Variants in RBFOX1 observed in about 807,000 individuals in gnomAD.
The protein encoded by RBFOX1 is RNA binding fox-1 homolog 1.
Under a neutral mutation model 57.7 loss-of-function variants are expected in RBFOX1, and 8 were observed. The ratio of observed to expected loss-of-function variants is 0.14; its 90% CI spans 0.08 to 0.25. The LOEUF (loss-of-function observed/expected upper bound fraction) is 0.25, where lower values mean the gene tolerates loss of function less well. RBFOX1 is among the 10% of genes least tolerant of loss of function. The pLI is 1.00. For missense variants in RBFOX1, 611 were observed against 548.5 expected (o/e 1.11, Z -1.14); for synonymous variants, 326 against 222.4 (o/e 1.47, Z -4.15).
At chr16:7,613,746 C>G (rs1440615714) in intron 10 of RBFOX1, among the ~76,000 whole-genome samples, 1 of 152,116 alleles carries the variant, frequency 6.6e-6, no homozygotes, top group Non-Finnish European at 1.5e-5. Flanking sequence ...CACCAAGAGT[C>G]TATTACCGTT....
At chr16:5,907,372 C>A (rs1383010188) in intron 4 of RBFOX1, among the ~76,000 whole-genome samples, 1 of 152,132 alleles carries the variant, frequency 6.6e-6, no homozygotes, top group African/African-American at 2.4e-5. Flanking sequence ...TAGACAAACA[C>A]TTCTCCATCC....
chr16:5,454,854 T>TTTCTTTCTTTCTTTC (rs1555524090), intron 1 of RBFOX1, among the ~76,000 whole-genome samples: 10 of 67,524 alleles, frequency 1.5e-4, no homozygotes, highest in South Asian at 6.2e-4. Flanking sequence ...TCTTTCTTTC[T>TTTCTTTCTTTCTTTC]TTTCTTTCTT....
intron 3 of RBFOX1, among the ~76,000 whole-genome samples, chr16:6,812,063 C>T (rs2154267134): frequency 6.6e-6 from 1 of 152,112 alleles, no homozygotes; most frequent in South Asian, 2.1e-4. Flanking sequence ...CATGTATCAC[C>T]ATATAAAGTT....
chr16:7,338,292 T>A (rs1180737026), intron 4 of RBFOX1, among the ~76,000 whole-genome samples: 1 of 152,114 alleles, frequency 6.6e-6, no homozygotes, highest in Non-Finnish European at 1.5e-5. Flanking sequence ...GCTGAGATTT[T>A]TCCAGCCTAA....
intron 3 of RBFOX1, among the ~76,000 whole-genome samples, chr16:6,659,143 A>C (rs957670655): frequency 6.6e-6 from 1 of 151,908 alleles, no homozygotes; most frequent in African/African-American, 2.4e-5. Flanking sequence ...ATCCACCTGA[A>C]TTTCAATACT....
At chr16:7,012,818 C>T (rs534447464) in intron 3 of RBFOX1, among the ~76,000 whole-genome samples, 3 of 152,274 alleles carry the variant, frequency 2.0e-5, no homozygotes, top group African/African-American at 7.2e-5. Context: ...TGTGTTCAGG[C>T]TGCCATAACA....
chr16:6,707,172 C>G (rs2062899789), intron 3 of RBFOX1, among the ~76,000 whole-genome samples: 1 of 152,112 alleles, frequency 6.6e-6, no homozygotes, highest in Admixed American at 6.6e-5. Flanking sequence ...AAGGTGCATA[C>G]TATTTTGTTA....
chr16:6,579,926 G>T (rs750543935), intron 2 of RBFOX1, among the ~76,000 whole-genome samples: 1 of 151,942 alleles, frequency 6.6e-6, no homozygotes, highest in Non-Finnish European at 1.5e-5. Flanking sequence ...CTATGTATAG[G>T]TTCATGGACC....
At chr16:7,528,199 C>G (rs752180934) in intron 5 of RBFOX1, among the ~76,000 whole-genome samples, 38 of 152,306 alleles carry the variant, frequency 2.5e-4, no homozygotes, top group Admixed American at 1.2e-3. Context: ...GCTTCACTGG[C>G]TTATTTCCAT....
chr16:7,345,784 G>A (rs181484238), intron 4 of RBFOX1, among the ~76,000 whole-genome samples: 74 of 152,178 alleles, frequency 4.9e-4, no homozygotes, highest in Admixed American at 8.5e-4. Flanking sequence ...TAGAGACGCC[G>A]TCTGCATGTG....
chr16:6,726,478 A>T (rs1346308848), intron 3 of RBFOX1, among the ~76,000 whole-genome samples: 2 of 151,702 alleles, frequency 1.3e-5, no homozygotes, highest in African/African-American at 4.8e-5. Context: ...GTTCCCAAGT[A>T]GGTGAAGGTG....
chr16:5,651,746 TGAG>T lies in RBFOX1; in HGVS notation c.318+52789_318+52791del, dbSNP rs201881915. On this transcript the variant is annotated intron_variant, in intron 3 of 19. Transcript: ENST00000641259. Reference sequence around the variant, plus strand: ...TTTATACTTCCCTGTTAGATTTGCATGAGGAGTTCTGGTTACATAATTTCTTCT... The same window carrying T: ...TTTATACTTCCCTGTTAGATTTGCATGAGTTCTGGTTACATAATTTCTTCT... Among the ~76,000 whole-genome samples, 1,201 of 152,216 alleles carry T rather than the reference TGAG, an allele frequency of 7.9e-3. 10 individuals carry two copies. Among genetic ancestry groups the T allele is most frequent in the South Asian group, 0.013 (61 of 4,826 alleles).
At chr16:7,250,999 T>G (rs569229116) in intron 4 of RBFOX1, among the ~76,000 whole-genome samples, 1 of 105,098 alleles carries the variant, frequency 9.5e-6, no homozygotes, top group African/African-American at 5.2e-5. Flanking sequence ...TTATCTGATA[T>G]ACATTTTTGT....
At chr16:6,020,900 C>T (rs1000715211) in intron 1 of RBFOX1, among the ~76,000 whole-genome samples, 4 of 152,176 alleles carry the variant, frequency 2.6e-5, no homozygotes, top group Non-Finnish European at 5.9e-5. Flanking sequence ...GGGGAAGACC[C>T]CGATCTAACC....
At chr16:7,569,318 C>A (rs936828274) in intron 5 of RBFOX1, among the ~76,000 whole-genome samples, 1 of 152,208 alleles carries the variant, frequency 6.6e-6, no homozygotes, top group Non-Finnish European at 1.5e-5. Context: ...GATGATATTT[C>A]TATAGGCTCA....
At chr16:7,280,173 G>A (rs1015235731) in intron 4 of RBFOX1, among the ~76,000 whole-genome samples, 1 of 152,322 alleles carries the variant, frequency 6.6e-6, no homozygotes, top group Non-Finnish European at 1.5e-5. Flanking sequence ...AGGAAAACAC[G>A]ATGTACACCT....
chr16:7,120,848 C>CAG (rs1447654227), intron 4 of RBFOX1, among the ~76,000 whole-genome samples: 1 of 150,112 alleles, frequency 6.7e-6, no homozygotes, highest in African/African-American at 2.4e-5. Flanking sequence ...CACACACACA[C>CAG]ACACACACAC....
chr16:7,404,234 G>T (rs1412185244), intron 4 of RBFOX1, among the ~76,000 whole-genome samples: 1 of 151,780 alleles, frequency 6.6e-6, no homozygotes, highest in Non-Finnish European at 1.5e-5. Context: ...TGTATTTTTA[G>T]TACAGACGGG....
chr16:7,163,342 A>G (rs547651518), intron 4 of RBFOX1, among the ~76,000 whole-genome samples: 1 of 152,174 alleles, frequency 6.6e-6, no homozygotes, highest in South Asian at 2.1e-4. Flanking sequence ...ATCAATCCAG[A>G]GCAAAGAGGC....
Sources: allele counts gnomAD v4.1 joint callset (sites outside exome capture counted in the v4.1 genomes callset), GRCh38; gene constraint gnomAD v4.1.1; transcripts MANE v1.5; gene names NCBI Gene and HGNC (gene_info 2026-07-23, HGNC 2026-07-21).